The following MARK2 variants were observed in gnomAD, a reference collection of about 807,000 sequenced individuals.
MARK2 encodes serine/threonine-protein kinase MARK2.
Under a neutral mutation model 89.8 loss-of-function variants are expected in MARK2, and 16 were observed. The observed-to-expected ratio is 0.18, with a 90% CI of 0.12 to 0.27. The LOEUF is 0.27. Among genes scored for constraint, MARK2 ranks in the 10% least tolerant of loss-of-function variants. The pLI is 1.00. For missense variants in MARK2, 621 were observed against 1,049.9 expected (o/e 0.59, Z 5.65); for synonymous variants, 382 against 399.5 (o/e 0.96, Z 0.52).
Position 63,902,123 on chromosome 11 carries a change from G to A in MARK2, c.1102-75G>A, listed in dbSNP as rs1940946042. On this transcript the variant is annotated intron_variant, in intron 11 of 18. Transcript: ENST00000402010. The surrounding 1 kb of genome is among the most constrained non-coding windows in gnomAD (Gnocchi z 4.2). ...TTTGAGTGTTGGGAGAGGGCGGTAT[G>A]TGTAAATGTGTCCATCCATAGGGAT... is the stretch of plus-strand genomic sequence containing the variant. 12 of 1,547,200 alleles carry A rather than the reference G, an allele frequency of 7.8e-6. No individual in the cohort carries two copies. The highest frequency in any genetic ancestry group is 1.1e-5 in the Non-Finnish European group (12 of 1,126,300).
At chr11:63,882,345 A>G (rs1590621985) in intron 1 of MARK2, among the ~76,000 whole-genome samples, 3 of 152,144 alleles carry the variant, frequency 2.0e-5, no homozygotes, top group Admixed American at 2.0e-4. Flanking sequence ...GCACTTTGGG[A>G]GGCCGAGCTG....
At position 63,895,214 on chromosome 11, in the gene MARK2, G is replaced by T; in HGVS notation, c.110G>T (p.Gly37Val). Reference protein sequence around the residue: ...KPSSKSNMIRGRNSATSADEQ... With the variant: ...KPSSKSNMIRVRNSATSADEQ... ...AGCAGTAAGTCCAACATGATTCGGG[G>T]CCGCAACTCAGCCACCTCTGCTGAT... Residue 37 changes from glycine to valine, a missense_variant, in exon 2 of 19, where the codon GGC becomes GTC. This residue lies in a region of MARK2 where 60 missense variants were observed against 73.2 expected (regional missense o/e 0.82). Coordinates refer to ENST00000402010, the MANE Select transcript of MARK2 (RefSeq NM_001039469.3). 6.2e-7 allele frequency: 1 copy of T among 1,614,120 alleles called. No homozygotes were observed.
Position 63,900,990 on chromosome 11 carries a change from A to G in MARK2, c.1022A>G (p.Glu341Gly), listed in dbSNP as rs1940818934. 1 of 1,614,044 alleles carries G rather than the reference A, an allele frequency of 6.2e-7. No individual in the cohort carries two copies. The change falls in exon 11 of 19, where the codon GAG becomes GGG. Residue 341 changes from glutamate (E) to glycine (G), a missense_variant. Physicochemically the swap from Glu to Gly is moderately conservative, Grantham distance 98 (BLOSUM62 -2). Transcript: ENST00000402010. The surrounding 1 kb of genome is among the most constrained non-coding windows in gnomAD (Gnocchi z 4.7). ...GTGTCCATGGGTTATACACGGGAAGAGATCCAGGACTCGCTGGTGGGCCAG... is the reference window on the plus strand; with the variant it reads ...GTGTCCATGGGTTATACACGGGAAGGGATCCAGGACTCGCTGGTGGGCCAG... ...LMVSMGYTRE[E>G]IQDSLVGQRY...
intron 1 of MARK2, among the ~76,000 whole-genome samples, chr11:63,842,914 C>T (rs1254895939): frequency 6.6e-6 from 1 of 151,822 alleles, no homozygotes; most frequent in East Asian, 1.9e-4. Context: ...AACACACAGA[C>T]ACTGAAAATG....
Position 63,909,300 on chromosome 11 carries a change from C to T in MARK2, c.*63C>T. 2.0e-6 allele frequency: 3 copies of T among 1,465,792 alleles called. No individual in the cohort carries two copies. Among genetic ancestry groups the T allele is most frequent in the East Asian group, 2.4e-5 (1 of 41,600 alleles). 90.8% of individuals were successfully genotyped at this position (1,465,792 alleles called of 1,614,324 possible). On this transcript the variant is annotated 3_prime_UTR_variant, in exon 19 of 19. Coordinates refer to ENST00000402010, the MANE Select transcript of MARK2 (RefSeq NM_001039469.3). The stretch of plus-strand genomic sequence containing the variant: ...CTGGACGGGCTGCCGGCCGCTGCGC[C>T]GCCCCACCTGGGCGAGACTGCAGCG...
chr11:63,902,307 A>G lies in MARK2; in HGVS notation c.1211A>G (p.Lys404Arg). Residue 404 changes from lysine to arginine, a missense_variant, in exon 12 of 19, where the codon AAG becomes AGG. Physicochemically the swap from Lys to Arg is conservative, Grantham distance 26 (BLOSUM62 2). Coordinates refer to ENST00000402010, the MANE Select transcript of MARK2 (RefSeq NM_001039469.3). The surrounding 1 kb of genome is among the most constrained non-coding windows in gnomAD (Gnocchi z 4.2). The stretch of plus-strand genomic sequence containing the variant: ...CAGCGCAGCGTGTCGGCCAATCCCA[A>G]GCAGCGGCGCTTCAGCGACCAGGGT... ...KVQRSVSANP[K>R]QRRFSDQAAG... 2.5e-6 allele frequency: 4 copies of G among 1,614,084 alleles called. No individual in the cohort carries two copies. In the East Asian group the frequency reaches 8.9e-5, roughly 36 times the overall value.
At chr11:63,867,192 A>G (rs988459574) in intron 1 of MARK2, among the ~76,000 whole-genome samples, 2 of 152,066 alleles carry the variant, frequency 1.3e-5, no homozygotes, top group African/African-American at 4.8e-5. Flanking sequence ...ACACCCAGCA[A>G]ATGTTTTGCG....
rs1046917190 is a variant in MARK2, at chr11:63,906,153, G to GTC, written c.1961+40_1961+41insCT. On this transcript the variant is annotated intron_variant, in intron 17 of 18. Transcript: ENST00000402010. ...CCGCTGTGTGTGTGTGTGTGTGTGTGTGTCTGTGTCCTGTGTCCTGCCTCC... is the reference window on the plus strand; with the variant it reads ...CCGCTGTGTGTGTGTGTGTGTGTGTGTCTGTCTGTGTCCTGTGTCCTGCCTCC... The GTC allele has an allele frequency of 4.7e-6, 6 of 1,287,714 alleles. No homozygotes were observed. In the South Asian group the frequency reaches 8.8e-5, roughly 19 times the overall value. The allele number at this position is 1,287,714 out of a possible 1,614,324, so 79.8% of individuals were successfully genotyped here. A position where few individuals can be genotyped will look rare whatever the true frequency, so the allele number is the denominator to read the frequency against.
Position 63,902,648 on chromosome 11 carries a change from C to T in MARK2, c.1282C>T (p.Gln428Ter). 1 of 1,614,130 alleles carries T rather than the reference C, an allele frequency of 6.2e-7. No homozygotes were observed. The highest frequency in any genetic ancestry group is 8.5e-7 in the Non-Finnish European group (1 of 1,179,994). Reference protein sequence around the residue: ...PTSNSYSKKTQSNNAENKRPE... With the variant: ...PTSNSYSKKT Reference sequence around the variant, plus strand: ...CTCTAATTCTTACTCTAAGAAGACTCAGAGTAACAACGCAGAAAATAAGCG... The same window carrying T: ...CTCTAATTCTTACTCTAAGAAGACTTAGAGTAACAACGCAGAAAATAAGCG... Residue 428 changes from glutamine to a stop codon, truncating the protein, a stop_gained, in exon 13 of 19, where the codon CAG becomes TAG. Transcript: ENST00000402010. LOFTEE classifies it high-confidence loss of function. The surrounding 1 kb of genome is among the most constrained non-coding windows in gnomAD (Gnocchi z 4.2).
intron 1 of MARK2, among the ~76,000 whole-genome samples, chr11:63,871,469 G>A (rs577524761): frequency 3.3e-5 from 5 of 151,698 alleles, no homozygotes; most frequent in Non-Finnish European, 7.4e-5. Flanking sequence ...AGTATTCACC[G>A]TGTGCAGGTG....
At chr11:63,844,622 A>G (rs763326007) in intron 1 of MARK2, among the ~76,000 whole-genome samples, 1 of 152,250 alleles carries the variant, frequency 6.6e-6, no homozygotes, top group Non-Finnish European at 1.5e-5. Context: ...TTTCAGACCA[A>G]CCAAAGTTTG....
At chr11:63,840,901 C>T (rs1336081645) in intron 1 of MARK2, among the ~76,000 whole-genome samples, 1 of 152,198 alleles carries the variant, frequency 6.6e-6, no homozygotes, top group Non-Finnish European at 1.5e-5. Flanking sequence ...CTTAGCCTTT[C>T]TGTGTCATCT....
chr11:63,860,341 C>T (rs1474755222), intron 1 of MARK2, among the ~76,000 whole-genome samples: 1 of 151,972 alleles, frequency 6.6e-6, no homozygotes, highest in Non-Finnish European at 1.5e-5. Flanking sequence ...ATCACGAGGT[C>T]AGGAGATCGA....
At chr11:63,878,188 C>G (rs994215315) in intron 1 of MARK2, among the ~76,000 whole-genome samples, 1 of 152,130 alleles carries the variant, frequency 6.6e-6, no homozygotes, top group African/African-American at 2.4e-5. Flanking sequence ...GGAAGTTGTT[C>G]TACCCAGTCT....
At chr11:63,846,324 C>T (rs2016272563) in intron 1 of MARK2, among the ~76,000 whole-genome samples, 1 of 151,888 alleles carries the variant, frequency 6.6e-6, no homozygotes, top group Non-Finnish European at 1.5e-5. Context: ...CAAGACCAGC[C>T]TGAGCAACAT....
chr11:63,854,446 A>G (rs2016740946), intron 1 of MARK2, among the ~76,000 whole-genome samples: 1 of 130,732 alleles, frequency 7.6e-6, no homozygotes, highest in Non-Finnish European at 1.6e-5. Flanking sequence ...CAAACTCCTG[A>G]CCTCAAGTGA....
chr11:63,882,273 A>G (rs763537507), intron 1 of MARK2, among the ~76,000 whole-genome samples: 12 of 151,764 alleles, frequency 7.9e-5, no homozygotes, highest in Non-Finnish European at 1.8e-4. Context: ...GCCTGAAATA[A>G]TAAAAGTTTT....
chr11:63,883,267 C>T (rs1462206677), intron 1 of MARK2, among the ~76,000 whole-genome samples: 1 of 152,172 alleles, frequency 6.6e-6, no homozygotes, highest in Non-Finnish European at 1.5e-5. Context: ...GCATGGGCAC[C>T]ATGTCATTCA....
At chr11:63,849,476 G>C (rs1436763869) in intron 1 of MARK2, among the ~76,000 whole-genome samples, 1 of 152,194 alleles carries the variant, frequency 6.6e-6, no homozygotes, top group Non-Finnish European at 1.5e-5. Flanking sequence ...TGGTGGGCCG[G>C]GCGCGGTGGC....
Sources: allele counts gnomAD v4.1 joint callset (sites outside exome capture counted in the v4.1 genomes callset), GRCh38; gene constraint gnomAD v4.1.1; regional missense constraint gnomAD v4.1.1; non-coding constraint Gnocchi (gnomAD v3.1); transcripts MANE v1.5; gene names NCBI Gene and HGNC (gene_info 2026-07-23, HGNC 2026-07-21).